The following CABLES1 variants were observed in gnomAD, a reference collection of about 807,000 sequenced individuals.
The protein encoded by CABLES1 is CDK5 and ABL1 enzyme substrate 1.
A neutral mutation model predicts 57.8 loss-of-function variants in CABLES1; 36 were observed. The ratio of observed to expected loss-of-function variants is 0.62; its 90% CI spans 0.48 to 0.82. The LOEUF is 0.82. Among genes scored for constraint, CABLES1 ranks in the 40% least tolerant of loss-of-function variants. CABLES1 has a pLI of 0.00. For missense variants in CABLES1, 767 were observed against 836.6 expected, an observed-to-expected ratio of 0.92 and a Z score of 1.03; for synonymous variants, 374 against 363.0, an observed-to-expected ratio of 1.03 and a Z score of -0.35.
chr18:23,213,480 A>G (rs1309872465), intron 3 of CABLES1, among the ~76,000 whole-genome samples: 7 of 152,276 alleles, frequency 4.6e-5, no homozygotes, highest in African/African-American at 1.4e-4. Context: ...TGTTCCCTTA[A>G]TCTATTCTCA....
At chr18:23,227,679 G>A (rs142100607) in intron 4 of CABLES1, among the ~76,000 whole-genome samples, 7 of 152,218 alleles carry the variant, frequency 4.6e-5, no homozygotes, top group East Asian at 3.9e-4. Context: ...GGCAACAAAC[G>A]GGACTCTTAA....
chr18:23,235,927 A>G lies in CABLES1; in HGVS notation c.1218A>G (p.Thr406=), dbSNP rs1308981233. The change falls in exon 6 of 10, where the codon ACA becomes ACG. Residue 406 remains threonine (T), a synonymous_variant. Transcript: ENST00000256925. The part of the protein sequence containing the change: ...TVSYTQFLLP[T]NAFGARRNTI... ...CCTATACCCAATTTCTGTTACCCAC[A>G]AATGCCTTTGGAGCCCGGAGAAATA... is the stretch of plus-strand genomic sequence containing the variant. 6.2e-7 allele frequency: 1 copy of G among 1,614,192 alleles called. No individual in the cohort carries two copies. Among genetic ancestry groups the G allele is most frequent in the Non-Finnish European group, 8.5e-7 (1 of 1,180,032 alleles).
intron 3 of CABLES1, among the ~76,000 whole-genome samples, chr18:23,203,940 A>C (rs1399494633): frequency 6.6e-6 from 1 of 152,124 alleles, no homozygotes; most frequent in Non-Finnish European, 1.5e-5. Context: ...GGCAGGAAGC[A>C]TCTTTATCCT....
intron 4 of CABLES1, among the ~76,000 whole-genome samples, chr18:23,215,792 C>T (rs564888287): frequency 6.6e-6 from 1 of 150,684 alleles, no homozygotes; most frequent in South Asian, 2.1e-4. Context: ...CTTGCTCTGT[C>T]ACTCAGGCTG....
At position 23,136,457 on chromosome 18, in the gene CABLES1, G is replaced by A. The variant is rs774549210; in HGVS notation, c.695G>A (p.Ser232Asn). ...AAFLGSGTPG[S>N]GSGSRGRLNS... ...TTTTTGGGCTCCGGGACCCCCGGGAGTGGGAGCGGCAGTCGGGGACGCCTC... is the reference window on the plus strand; with the variant it reads ...TTTTTGGGCTCCGGGACCCCCGGGAATGGGAGCGGCAGTCGGGGACGCCTC... The change falls in exon 1 of 10, where the codon AGT (serine) becomes AAT (asparagine). Residue 232 changes from serine (S) to asparagine (N), a missense_variant. Transcript: ENST00000256925. The A allele has an allele frequency of 6.2e-7, 1 of 1,604,694 alleles. No homozygotes were observed. The highest frequency in any genetic ancestry group is 1.1e-5 in the South Asian group (1 of 90,314).
intron 9 of CABLES1, among the ~76,000 whole-genome samples, chr18:23,255,489 A>C (rs1415622610): frequency 2.0e-5 from 3 of 152,126 alleles, no homozygotes; most frequent in Non-Finnish European, 2.9e-5. Context: ...TGAACCCAGA[A>C]GTGACCATTG....
Position 23,234,587 on chromosome 18 carries a change from T to C in CABLES1, c.1089-21T>C, listed in dbSNP as rs749452561. ...AGGTGCACACAAAAGCATTTTTTTT[T>C]CCTCTGACTTGTCCTCCCAGGGACT... On this transcript the variant is annotated intron_variant, in intron 4 of 9. Transcript: ENST00000256925. The C allele has an allele frequency of 1.1e-4, 169 of 1,596,112 alleles. 3 individuals carry two copies. The South Asian group carries it at 1.7e-3, about 16-fold the overall frequency.
At chr18:23,225,843 C>T (rs544506433) in intron 4 of CABLES1, among the ~76,000 whole-genome samples, 2 of 152,352 alleles carry the variant, frequency 1.3e-5, no homozygotes, top group South Asian at 4.1e-4. Flanking sequence ...AATAGGCAGA[C>T]CCCACTTAGT....
At chr18:23,245,503 CAAAA>C (rs914289893) in intron 7 of CABLES1, among the ~76,000 whole-genome samples, 6 of 94,552 alleles carry the variant, frequency 6.3e-5, no homozygotes, top group African/African-American at 1.1e-4. Context: ...CATCCTGTCT[CAAAA>C]AAAAAAAAAA....
In CABLES1 at chr18:23,167,807, C is replaced by T. The variant is rs139656163; in HGVS notation, c.846-21031C>T. ...GCTTGCTGCAGGTCGTTGGGGGCCT[C>T]GGCAGGTAGCTCTGCCTCATTGGAG... On this transcript the variant is annotated intron_variant, in intron 1 of 9. Coordinates refer to ENST00000256925, the MANE Select transcript of CABLES1 (RefSeq NM_001100619.3). Among the ~76,000 whole-genome samples the T allele has an allele frequency of 7.0e-3, 1,061 of 151,938 alleles. 9 individuals carry two copies. Among genetic ancestry groups the T allele is most frequent in the African/African-American group, 0.022 (907 of 41,408 alleles).
intron 1 of CABLES1, among the ~76,000 whole-genome samples, chr18:23,144,024 C>T (rs902030280): frequency 4.6e-5 from 7 of 152,344 alleles, no homozygotes; most frequent in Admixed American, 2.0e-4. Flanking sequence ...CCACGCTGCT[C>T]CGTGCCCCAG....
At chr18:23,217,851 T>A (rs1245501715) in intron 4 of CABLES1, among the ~76,000 whole-genome samples, 1 of 152,202 alleles carries the variant, frequency 6.6e-6, no homozygotes, top group Non-Finnish European at 1.5e-5. Context: ...ATTTCAGGGG[T>A]GGAAAGGCCT....
intron 1 of CABLES1, among the ~76,000 whole-genome samples, chr18:23,170,813 T>C (rs2047076876): frequency 6.6e-6 from 1 of 152,210 alleles, no homozygotes; most frequent in African/African-American, 2.4e-5. Context: ...GTTTTTGTTT[T>C]TGAGACAGAG....
intron 3 of CABLES1, 43 bp downstream of exon 3, chr18:23,194,583 G>C: frequency 7.5e-7 from 1 of 1,328,200 alleles, no homozygotes; most frequent in South Asian, 1.2e-5. Context: ...CCAGTGGGTG[G>C]AGACAGGGAC....
chr18:23,233,366 T>A (rs371310365), intron 4 of CABLES1, among the ~76,000 whole-genome samples: 2 of 152,114 alleles, frequency 1.3e-5, no homozygotes, highest in African/African-American at 4.8e-5. Flanking sequence ...TCCACGGCAA[T>A]GTGATGTACT....
At chr18:23,241,164 C>G (rs2047725906) in intron 7 of CABLES1, among the ~76,000 whole-genome samples, 1 of 152,150 alleles carries the variant, frequency 6.6e-6, no homozygotes, top group Non-Finnish European at 1.5e-5. Flanking sequence ...GGTCCATCTT[C>G]CTTCATACAA....
intron 3 of CABLES1, among the ~76,000 whole-genome samples, chr18:23,200,501 A>G (rs540047045): frequency 1.4e-4 from 22 of 152,264 alleles, no homozygotes; most frequent in African/African-American, 5.1e-4. Flanking sequence ...TGACCTTGTG[A>G]TCCGCCCGCC....
intron 4 of CABLES1, among the ~76,000 whole-genome samples, chr18:23,229,971 A>T (rs1387989145): frequency 6.6e-6 from 1 of 152,260 alleles, no homozygotes; most frequent in Non-Finnish European, 1.5e-5. Context: ...TTCCAGCAAC[A>T]TTGATCAGAG....
intron 4 of CABLES1, among the ~76,000 whole-genome samples, chr18:23,227,815 TCTCA>T (rs1332420053): frequency 2.6e-5 from 4 of 152,234 alleles, no homozygotes; most frequent in Non-Finnish European, 4.4e-5. Flanking sequence ...GCAGGAAATC[TCTCA>T]CTCCTTATTC....
Sources: gnomAD v4.1 joint callset for allele counts (sites outside exome capture counted in the v4.1 genomes callset) on GRCh38, gnomAD v4.1.1 for gene constraint, MANE v1.5 for transcripts, NCBI Gene and HGNC (gene_info 2026-07-23, HGNC 2026-07-21) for gene names.